COG4: variants seen among roughly 807,000 people sequenced by gnomAD.
The protein encoded by COG4 is component of oligomeric golgi complex 4, also known as conserved oligomeric Golgi complex subunit 4.
In COG4, 65 loss-of-function variants were observed where a neutral mutation model predicts 95.1. The observed-to-expected ratio is 0.68, with a 90% CI of 0.56 to 0.84. COG4 has a LOEUF of 0.84. Among genes scored for constraint, COG4 ranks in the 40% least tolerant of loss-of-function variants. COG4 has a pLI of 0.00. For missense variants in COG4, 1,045 were observed against 989.1 expected, an observed-to-expected ratio of 1.06 and a Z score of -0.76; for synonymous variants, 421 against 374.8, an observed-to-expected ratio of 1.12 and a Z score of -1.42.
chr16:70,482,660 T>C (rs2049021922), intron 15 of COG4, 69 bp downstream of exon 15: 2 of 1,281,964 alleles, frequency 1.6e-6, no homozygotes, highest in Admixed American at 1.7e-5. Flanking sequence ...CAGATGGCTC[T>C]GCTCCCTCTA....
intron 8 of COG4, among the ~76,000 whole-genome samples, chr16:70,503,595 C>CTTTTTTTTTTTT (rs67706790): frequency 1.6e-5 from 2 of 125,706 alleles, no homozygotes; most frequent in Admixed American, 7.2e-5. Context: ...CCTACTTACT[C>CTTTTTTTTTTTT]TTTTTTTTTT....
At chr16:70,481,522 C>T in intron 17 of COG4, 35 bp from the exon 18 acceptor site, 1 of 1,609,710 alleles carries the variant, frequency 6.2e-7, no homozygotes, top group Non-Finnish European at 8.5e-7. Flanking sequence ...ACTACTTAGG[C>T]CTGGCCAAGC....
chr16:70,512,126 G>A, intron 5 of COG4, 113 bp downstream of exon 5: 1 of 986,160 alleles, frequency 1.0e-6, no homozygotes, highest in South Asian at 1.4e-5. Context: ...AGGGCAGGAA[G>A]GGGAGTCATA....
chr16:70,482,749 C>G lies in COG4; in HGVS notation c.1900G>C (p.Val634Leu). The G allele has an allele frequency of 6.2e-7, 1 of 1,613,738 alleles. No homozygotes were observed. The highest frequency in any genetic ancestry group is 8.5e-7 in the Non-Finnish European group (1 of 1,179,822). The change falls in exon 15 of 19, where the codon GTC becomes CTC. Residue 634 changes from valine to leucine, a missense_variant. Val to Leu is a conservative substitution (Grantham distance 32, BLOSUM62 1). Coordinates refer to ENST00000323786, the MANE Select transcript of COG4 (RefSeq NM_015386.3). ...CTAACCTCCTCGATGTTGTGGGAGA[C>G]GGAGAAAAAGCTGTTGATCCAAGGC... ...VQPWINSFFS[V>L]SHNIEEEEFN...
Position 70,480,714 on chromosome 16 carries a change from G to C in COG4, c.*296C>G, listed in dbSNP as rs2151736153. On this transcript the variant is annotated 3_prime_UTR_variant, in exon 19 of 19. Transcript: ENST00000323786. ...TTTGCTGTAGTGTTTGAGGGCAAGA[G>C]ACTGACCATCCATGCAGAAAGCTGG... 2 of 456,826 alleles carry C rather than the reference G, an allele frequency of 4.4e-6. No individual in the cohort carries two copies. The highest frequency in any genetic ancestry group is 8.1e-6 in the Non-Finnish European group (2 of 247,998). The allele number at this position is 456,826 out of a possible 1,614,324, so 28.3% of individuals were successfully genotyped here.
chr16:70,513,243 A>G (rs2049748996), intron 4 of COG4, among the ~76,000 whole-genome samples: 1 of 152,250 alleles, frequency 6.6e-6, no homozygotes, highest in Admixed American at 6.5e-5. Context: ...ATAAGTGAAT[A>G]ACATTAAACA....
intron 12 of COG4, among the ~76,000 whole-genome samples, chr16:70,491,590 C>T (rs2049244358): frequency 2.7e-5 from 4 of 147,860 alleles, no homozygotes; most frequent in Non-Finnish European, 5.9e-5. Context: ...TTTGGGAGGC[C>T]GAAGCAGGTG....
Position 70,490,325 on chromosome 16 carries a change from C to T in COG4, c.1710+5G>A, listed in dbSNP as rs767920192. 2.0e-5 allele frequency: 33 copies of T among 1,612,388 alleles called. No individual in the cohort carries two copies. Among genetic ancestry groups the T allele is most frequent in the African/African-American group, 1.2e-4 (9 of 74,896 alleles). Reference sequence around the variant, plus strand: ...CTGACCACTGATAGGCAATTTCCCTCGTACCTCCAGTGTCTTCTTCAGAGT... The same window carrying T: ...CTGACCACTGATAGGCAATTTCCCTTGTACCTCCAGTGTCTTCTTCAGAGT... On this transcript the variant is annotated splice_donor_5th_base_variant and intron_variant, in intron 13 of 18. Coordinates refer to ENST00000323786, the MANE Select transcript of COG4 (RefSeq NM_015386.3).
chr16:70,500,409 C>T (rs2049424663), intron 9 of COG4, among the ~76,000 whole-genome samples: 1 of 142,612 alleles, frequency 7.0e-6, no homozygotes, highest in South Asian at 2.2e-4. Context: ...GGCTCTGTCA[C>T]CCAGGCTGGA....
intron 13 of COG4, among the ~76,000 whole-genome samples, chr16:70,485,864 C>A (rs957641114): frequency 2.7e-5 from 4 of 150,538 alleles, no homozygotes; most frequent in African/African-American, 9.8e-5. Flanking sequence ...AGATTACAGG[C>A]GTGAACCACC....
rs202142349 is a variant in COG4 at position 70,495,414 on chromosome 16, G to T, written c.1647+852C>A. Among the ~76,000 whole-genome samples the T allele has an allele frequency of 2.3e-5, 3 of 131,342 alleles. 1 individual carries two copies. The highest frequency in any genetic ancestry group is 9.1e-5 in the African/African-American group (3 of 33,060). The allele number at this position is 131,342 out of a possible 152,430, so 86.2% of individuals were successfully genotyped here. ...CTCCATCTCAAAAAAAAAAAAAAAA[G>T]AATCTGATAAAAGCTAAGGAAGGAC... On this transcript the variant is annotated intron_variant, in intron 12 of 18. Coordinates refer to ENST00000323786, the MANE Select transcript of COG4 (RefSeq NM_015386.3).
intron 11 of COG4, among the ~76,000 whole-genome samples, chr16:70,496,708 T>C (rs2049347223): frequency 6.6e-6 from 1 of 152,222 alleles, no homozygotes; most frequent in Non-Finnish European, 1.5e-5. Flanking sequence ...CCAACAAAGC[T>C]GTGCGGCTTA....
chr16:70,508,831 A>T (rs1427816418), intron 7 of COG4: 7 of 542,390 alleles, frequency 1.3e-5, no homozygotes, highest in Middle Eastern at 2.8e-4. Flanking sequence ...AGTTCTGAAA[A>T]AGCAAACGTT....
At position 70,480,641 on chromosome 16, in the gene COG4, A is replaced by G. The variant is rs190392628; in HGVS notation, c.*369T>C. The G allele has an allele frequency of 1.1e-3, 338 of 298,988 alleles. 2 individuals carry two copies. Among genetic ancestry groups the G allele is most frequent in the African/African-American group, 6.9e-3 (317 of 46,184 alleles). 18.5% of individuals were successfully genotyped at this position (298,988 alleles called of 1,614,324 possible). Reference sequence around the variant, plus strand: ...CTCCTCAAAGTCAAGCCTAACTGCTAGGTCCCCAGATGTACCCAAGTTGTC... The same window carrying G: ...CTCCTCAAAGTCAAGCCTAACTGCTGGGTCCCCAGATGTACCCAAGTTGTC... On this transcript the variant is annotated 3_prime_UTR_variant, in exon 19 of 19. Transcript: ENST00000323786.
intron 8 of COG4, among the ~76,000 whole-genome samples, chr16:70,503,635 C>T (rs1162898363): frequency 8.2e-6 from 1 of 121,226 alleles, no homozygotes; most frequent in East Asian, 2.0e-4. Flanking sequence ...CACTCTGTCG[C>T]CCAGGCTGGA....
intron 1 of COG4, 138 bp downstream of exon 1, chr16:70,523,235 C>T (rs2049991210): frequency 9.6e-7 from 1 of 1,046,394 alleles, no homozygotes; most frequent in Non-Finnish European, 1.5e-6. Flanking sequence ...CTCATATACC[C>T]GACTAGCTTC....
intron 12 of COG4, 44 bp from the exon 13 acceptor site, chr16:70,490,436 C>A (rs772313590): frequency 6.6e-7 from 1 of 1,520,660 alleles, no homozygotes. Context: ...GCTGACTGTG[C>A]CTGCCACCCA....
At chr16:70,512,532 A>G (rs1567393139) in intron 4 of COG4, 100 bp from the exon 5 acceptor site, 1 of 958,566 alleles carries the variant, frequency 1.0e-6, no homozygotes, top group African/African-American at 1.6e-5. Context: ...ATACGTATTA[A>G]GCACTTACCA....
intron 15 of COG4, chr16:70,482,382 A>C: frequency 1.6e-6 from 1 of 641,450 alleles, no homozygotes; most frequent in South Asian, 1.8e-5. Flanking sequence ...GGCCCACATA[A>C]CATGGTAAAG....
Sources: gnomAD v4.1 joint callset for allele counts (sites outside exome capture counted in the v4.1 genomes callset) on GRCh38, gnomAD v4.1.1 for gene constraint, MANE v1.5 for transcripts, NCBI Gene and HGNC (gene_info 2026-07-23, HGNC 2026-07-21) for gene names.